CACNA1E: variants seen among roughly 807,000 people sequenced by gnomAD.
CACNA1E encodes the protein calcium voltage-gated channel subunit alpha1 E.
Under a neutral mutation model 259.2 loss-of-function variants are expected in CACNA1E, and 40 were observed. The ratio of observed to expected loss-of-function variants is 0.15; its 90% CI spans 0.12 to 0.20. The LOEUF (loss-of-function observed/expected upper bound fraction) is 0.20. Among genes scored for constraint, CACNA1E ranks in the 10% least tolerant of loss-of-function variants. The pLI, the probability that CACNA1E is intolerant of heterozygous loss-of-function variation, is 1.00. For missense variants in CACNA1E, 1,874 were observed against 3,040.1 expected (o/e 0.62, Z 9.02); for synonymous variants, 1,104 against 1,138.5 (o/e 0.97, Z 0.61).
chr1:181,616,966 A>G lies in CACNA1E; in HGVS notation c.952-34372A>G, dbSNP rs781735972. Among the ~76,000 whole-genome samples, 13 of 152,352 alleles carry G rather than the reference A, an allele frequency of 8.5e-5. No homozygotes were observed. The Middle Eastern group carries it at 0.01, about 120-fold the overall frequency. Reference sequence around the variant, plus strand: ...TTTCAAATTTAGTTGCATAAAGCTCATAATGTCTCCTTATTATCTTTTAAA... The same window carrying G: ...TTTCAAATTTAGTTGCATAAAGCTCGTAATGTCTCCTTATTATCTTTTAAA... On this transcript the variant is annotated intron_variant, in intron 6 of 47. Coordinates refer to ENST00000367573, the MANE Select transcript of CACNA1E (RefSeq NM_001205293.3).
At chr1:181,693,128 CAAAA>C (rs61662957) in intron 7 of CACNA1E, among the ~76,000 whole-genome samples, 1,434 of 97,866 alleles carry the variant, frequency 0.015, 23 homozygotes, top group African/African-American at 0.052. Flanking sequence ...CTATCTAAAG[CAAAA>C]AAAAAAAAAA....
upstream of CACNA1E, among the ~76,000 whole-genome samples, chr1:181,480,890 G>T (rs1441904814): frequency 6.6e-6 from 1 of 152,182 alleles, no homozygotes; most frequent in Non-Finnish European, 1.5e-5. Flanking sequence ...CTGGCACCTG[G>T]AAGGGACTCA....
At chr1:181,718,734 A>G (rs575147100) in intron 12 of CACNA1E, among the ~76,000 whole-genome samples, 1 of 152,090 alleles carries the variant, frequency 6.6e-6, no homozygotes, top group Non-Finnish European at 1.5e-5. Flanking sequence ...TAGCATGGAT[A>G]TCTAAATGTA....
At chr1:181,764,088 TA>T in intron 34 of CACNA1E, among the ~76,000 whole-genome samples, 1 of 152,256 alleles carries the variant, frequency 6.6e-6, no homozygotes, top group South Asian at 2.1e-4. Context: ...TACAAATAAA[TA>T]GGGACATCTG....
intron 8 of CACNA1E, among the ~76,000 whole-genome samples, chr1:181,712,571 T>C (rs1015390110): frequency 1.3e-5 from 2 of 152,228 alleles, no homozygotes; most frequent in African/African-American, 2.4e-5. Context: ...GATTGCGATC[T>C]GCACTCCCTT....
rs571123611 is a variant in CACNA1E, at chr1:181,737,797, G to A, written c.3552+143G>A. 22 of 1,153,942 alleles carry A rather than the reference G, an allele frequency of 1.9e-5. No homozygotes were observed. In the East Asian group the frequency reaches 2.1e-4, roughly 11 times the overall value. The allele number at this position is 1,153,942 out of a possible 1,614,324, so 71.5% of individuals were successfully genotyped here. A position where few individuals can be genotyped will look rare whatever the true frequency, so the allele number is the denominator to read the frequency against. ...ATTGTCCACTCCTGTTCCTCAGGGC[G>A]AAGTATGAACCATTCCCAGACAAGC... On this transcript the variant is annotated intron_variant, in intron 23 of 47. Coordinates refer to ENST00000367573, the MANE Select transcript of CACNA1E (RefSeq NM_001205293.3).
At position 181,757,267 on chromosome 1, in the gene CACNA1E, CAT is replaced by C. The variant is rs570394548; in HGVS notation, c.4329+142_4329+143del. On this transcript the variant is annotated intron_variant, in intron 30 of 47. Transcript: ENST00000367573. ...AAGATGGGAAAAGTAACTATTCAGCCATTAAATAAGCATTTTCCAAGCACTGT... is the reference window on the plus strand; with the variant it reads ...AAGATGGGAAAAGTAACTATTCAGCCTAAATAAGCATTTTCCAAGCACTGT... 1.1e-4 allele frequency: 74 copies of C among 645,988 alleles called. 2 individuals carry two copies. In the South Asian group the frequency reaches 1.4e-3, roughly 12 times the overall value. The allele number at this position is 645,988 out of a possible 1,614,324, so 40.0% of individuals were successfully genotyped here. A position where few individuals can be genotyped will look rare whatever the true frequency, so the allele number is the denominator to read the frequency against.
chr1:181,357,366 T>C (rs908215747), intron 1 of CACNA1E, among the ~76,000 whole-genome samples: 2 of 152,198 alleles, frequency 1.3e-5, no homozygotes, highest in Non-Finnish European at 2.9e-5. Context: ...ATTCAAACTA[T>C]GATTTATTCC....
chr1:181,533,425 T>C (rs1231075746), intron 3 of CACNA1E, among the ~76,000 whole-genome samples: 2 of 150,804 alleles, frequency 1.3e-5, no homozygotes, highest in African/African-American at 2.4e-5. Flanking sequence ...ATGTCACTTC[T>C]GTTTGTATAC....
intron 2 of CACNA1E, among the ~76,000 whole-genome samples, chr1:181,436,976 A>T: frequency 6.6e-6 from 1 of 152,314 alleles, no homozygotes. Context: ...CCCCATAAAT[A>T]TATACAATTA....
chr1:181,633,193 AG>A (rs1292319916), intron 6 of CACNA1E, among the ~76,000 whole-genome samples: 2 of 152,164 alleles, frequency 1.3e-5, no homozygotes, highest in African/African-American at 4.8e-5. Context: ...AATCGAGGCA[AG>A]GGGCAGTTTC....
chr1:181,699,975 G>A (rs1231430897), intron 7 of CACNA1E, among the ~76,000 whole-genome samples: 1 of 152,104 alleles, frequency 6.6e-6, no homozygotes, highest in East Asian at 1.9e-4. Context: ...TGGGTTTCAA[G>A]CTCAGTGGTG....
In CACNA1E at chr1:181,511,522, TTCTC is replaced by T. The variant is rs763463058; in HGVS notation, c.512+18_512+21del. The stretch of plus-strand genomic sequence containing the variant: ...GTGGTCCTCAGTGGGTAAGTCCATT[TTCTC>T]TCTCTGTCTGTGTGTGTGTATGAAG... On this transcript the variant is annotated intron_variant, in intron 3 of 47. Coordinates refer to ENST00000367573, the MANE Select transcript of CACNA1E (RefSeq NM_001205293.3). 2 of 1,613,356 alleles carry T rather than the reference TTCTC, an allele frequency of 1.2e-6. No individual in the cohort carries two copies. The highest frequency in any genetic ancestry group is 4.5e-5 in the East Asian group (2 of 44,874).
In CACNA1E at chr1:181,800,492, T is replaced by C. The variant is rs1662193381; in HGVS notation, c.*1658T>C. On this transcript the variant is annotated 3_prime_UTR_variant, in exon 48 of 48. Transcript: ENST00000367573. ...GGGACACATCACTGGCTTTATCTGG[T>C]GGAAATGTACCTTTCCCTTAAGTTC... 1 of 152,608 alleles carries C rather than the reference T, an allele frequency of 6.6e-6. No homozygotes were observed. The highest frequency in any genetic ancestry group is 2.1e-4 in the South Asian group (1 of 4,828). The allele number at this position is 152,608 out of a possible 1,614,324, so 9.5% of individuals were successfully genotyped here. A position where few individuals can be genotyped will look rare whatever the true frequency, so the allele number is the denominator to read the frequency against.
chr1:181,721,645 G>T, intron 15 of CACNA1E, 113 bp from the exon 16 acceptor site: 3 of 535,692 alleles, frequency 5.6e-6, no homozygotes, highest in South Asian at 3.6e-5. Flanking sequence ...TGGCAAGATT[G>T]TCAAGCAAGG....
chr1:181,382,238 C>T lies in CACNA1E; in HGVS notation c.-14-30895C>T, dbSNP rs535608759. Among the ~76,000 whole-genome samples, 261 of 152,188 alleles carry T rather than the reference C, an allele frequency of 1.7e-3. 1 individual carries two copies. The highest frequency in any genetic ancestry group is 6.1e-3 in the African/African-American group (253 of 41,498). Reference sequence around the variant, plus strand: ...AGATGAGAAAGACCCAAACTGTTCTCAGAACAGTTCAGGAGGGCAGTGTGG... The same window carrying T: ...AGATGAGAAAGACCCAAACTGTTCTTAGAACAGTTCAGGAGGGCAGTGTGG... On this transcript the variant is annotated intron_variant, in intron 1 of 11. Coordinates refer to the CACNA1E transcript ENST00000524607.
intron 2 of CACNA1E, among the ~76,000 whole-genome samples, chr1:181,450,264 A>G (rs1394572248): frequency 3.3e-5 from 5 of 152,238 alleles, no homozygotes; most frequent in Admixed American, 3.3e-4. Context: ...ATTGGGGATT[A>G]CAATTCAATA....
At chr1:181,510,989 C>A (rs1246971820) in intron 2 of CACNA1E, among the ~76,000 whole-genome samples, 4 of 152,206 alleles carry the variant, frequency 2.6e-5, no homozygotes, top group African/African-American at 9.6e-5. Flanking sequence ...CTAACGTATT[C>A]CCCCTAAAAA....
At chr1:181,322,777 A>C (rs1171007516) in intron 1 of CACNA1E, among the ~76,000 whole-genome samples, 1 of 152,248 alleles carries the variant, frequency 6.6e-6, no homozygotes, top group Non-Finnish European at 1.5e-5. Context: ...TGTGGATGAC[A>C]GTTGAAAAAT....
Sources: allele counts gnomAD v4.1 joint callset (sites outside exome capture counted in the v4.1 genomes callset), GRCh38; gene constraint gnomAD v4.1.1; transcripts MANE v1.5; gene names NCBI Gene and HGNC (gene_info 2026-07-23, HGNC 2026-07-21).